Variants in ADARB2 observed in about 807,000 individuals in gnomAD.
ADARB2 encodes adenosine deaminase RNA specific B2 (inactive).
ADARB2 carries 25 observed loss-of-function variants against 62.2 expected under a neutral mutation model. The ratio of observed to expected loss-of-function variants is 0.40; its 90% CI spans 0.29 to 0.56. ADARB2 has a LOEUF of 0.56. ADARB2 is among the 20% of genes least tolerant of loss of function. The pLI, the probability that ADARB2 is intolerant of heterozygous loss-of-function variation, is 0.43. For synonymous variants in ADARB2, 572 were observed against 500.8 expected, an observed-to-expected ratio of 1.14 and a Z score of -1.90; for missense variants, 1,071 against 1,077.4, an observed-to-expected ratio of 0.99 and a Z score of 0.08.
intron 1 of ADARB2, among the ~76,000 whole-genome samples, chr10:1,600,556 G>A (rs1303517325): frequency 6.8e-6 from 1 of 147,962 alleles, no homozygotes; most frequent in African/African-American, 2.5e-5. Flanking sequence ...CAGCTACTCC[G>A]AAGTCCGAGT....
intron 4 of ADARB2, among the ~76,000 whole-genome samples, chr10:1,264,072 G>C (rs553822371): frequency 1.3e-5 from 2 of 151,968 alleles, no homozygotes; most frequent in South Asian, 2.1e-4. Context: ...GTCGGCCTCC[G>C]TGAATCTTAA....
intron 1 of ADARB2, among the ~76,000 whole-genome samples, chr10:1,450,330 CT>C (rs1477799247): frequency 1.3e-5 from 2 of 152,250 alleles, no homozygotes; most frequent in African/African-American, 4.8e-5. Context: ...TGTCTGTCCA[CT>C]TCGTTTCCTG....
At chr10:1,400,077 C>T (rs774309483) in intron 1 of ADARB2, among the ~76,000 whole-genome samples, 25 of 152,184 alleles carry the variant, frequency 1.6e-4, no homozygotes, top group East Asian at 1.9e-4. Flanking sequence ...AAGCATGAAC[C>T]GCAGATGGAA....
At chr10:1,368,926 T>C (rs1832339561) in intron 2 of ADARB2, among the ~76,000 whole-genome samples, 1 of 152,084 alleles carries the variant, frequency 6.6e-6, no homozygotes, top group Admixed American at 6.5e-5. Flanking sequence ...CCTGTGGTCC[T>C]GTGGCAGTCG....
chr10:1,658,653 C>T (rs1054508446), intron 1 of ADARB2, among the ~76,000 whole-genome samples: 3 of 152,258 alleles, frequency 2.0e-5, no homozygotes, highest in Admixed American at 2.0e-4. Flanking sequence ...GTCACGACAG[C>T]CCTTGCTGGT....
chr10:1,330,574 G>A (rs1265174854), intron 3 of ADARB2, among the ~76,000 whole-genome samples: 1 of 152,198 alleles, frequency 6.6e-6, no homozygotes, highest in African/African-American at 2.4e-5. Flanking sequence ...GGGCAAAGAT[G>A]TTGGCTCTCA....
rs561540663 is a variant in ADARB2 at position 1,412,610 on chromosome 10, G to T, written c.101-33450C>A. Among the ~76,000 whole-genome samples, 6 of 152,200 alleles carry T rather than the reference G, an allele frequency of 3.9e-5. No individual in the cohort carries two copies. In the South Asian group the frequency reaches 1.2e-3, roughly 32 times the overall value. ...CTCATATCTGCCAGAGGATGGGCCG[G>T]ACCGCGTTTCAGGTAATCAACTCAG... On this transcript the variant is annotated intron_variant, in intron 1 of 9. Coordinates refer to ENST00000381312, the MANE Select transcript of ADARB2 (RefSeq NM_018702.4).
chr10:1,669,700 C>A (rs1834358008), intron 1 of ADARB2, among the ~76,000 whole-genome samples: 1 of 132,484 alleles, frequency 7.5e-6, no homozygotes, highest in African/African-American at 2.9e-5. Context: ...ACACACACAC[C>A]CACAGGGAGA....
At chr10:1,583,868 T>C (rs1352042573) in intron 1 of ADARB2, among the ~76,000 whole-genome samples, 2 of 152,124 alleles carry the variant, frequency 1.3e-5, no homozygotes, top group Admixed American at 6.6e-5. Flanking sequence ...CCCACACAAA[T>C]ACAGGGTTAG....
intron 3 of ADARB2, among the ~76,000 whole-genome samples, chr10:1,353,134 G>C (rs117599574): frequency 6.6e-6 from 1 of 152,150 alleles, no homozygotes; most frequent in South Asian, 2.1e-4. Flanking sequence ...CATCAAGCAC[G>C]GGGATTGGCC....
At chr10:1,587,865 C>T (rs1394092353) in intron 1 of ADARB2, among the ~76,000 whole-genome samples, 1 of 152,050 alleles carries the variant, frequency 6.6e-6, no homozygotes, top group African/African-American at 2.4e-5. Context: ...AAGGGGTTTC[C>T]CCTTTCTCTT....
intron 4 of ADARB2, among the ~76,000 whole-genome samples, chr10:1,252,820 CAG>C (rs558914823): frequency 2.9e-3 from 446 of 152,284 alleles, no homozygotes; most frequent in African/African-American, 9.8e-3. Flanking sequence ...TTGCTTTTGA[CAG>C]GGGAGATTTT....
chr10:1,378,565 G>T (rs920208224), intron 2 of ADARB2, among the ~76,000 whole-genome samples: 1 of 152,068 alleles, frequency 6.6e-6, no homozygotes, highest in Non-Finnish European at 1.5e-5. Flanking sequence ...GGTTCCAGGT[G>T]AGGATAAGAT....
chr10:1,279,811 G>A (rs115779235), intron 3 of ADARB2, among the ~76,000 whole-genome samples: 1,543 of 152,320 alleles, frequency 0.01, 28 homozygotes, highest in African/African-American at 0.034. Context: ...TTGGGAACAT[G>A]GAACTTGTTT....
At chr10:1,639,156 T>A (rs1006010733) in intron 1 of ADARB2, among the ~76,000 whole-genome samples, 1 of 152,182 alleles carries the variant, frequency 6.6e-6, no homozygotes, top group South Asian at 2.1e-4. Flanking sequence ...GCATGAGTGC[T>A]CTCCTGCTGC....
At chr10:1,282,258 T>G (rs1831377225) in intron 3 of ADARB2, among the ~76,000 whole-genome samples, 1 of 152,204 alleles carries the variant, frequency 6.6e-6, no homozygotes, top group Non-Finnish European at 1.5e-5. Context: ...AATATTTCTG[T>G]GCTTGGCCAC....
At chr10:1,539,728 T>C (rs1259744901) in intron 1 of ADARB2, among the ~76,000 whole-genome samples, 1 of 152,222 alleles carries the variant, frequency 6.6e-6, no homozygotes, top group South Asian at 2.1e-4. Context: ...ATGTGATAAG[T>C]GGAAAGTGTC....
At chr10:1,187,454 G>T (rs1462108703) in intron 8 of ADARB2, among the ~76,000 whole-genome samples, 2 of 152,188 alleles carry the variant, frequency 1.3e-5, no homozygotes, top group African/African-American at 4.8e-5. Context: ...TGACCATCAG[G>T]GCCAACCACT....
At chr10:1,663,125 T>C (rs992339735) in intron 1 of ADARB2, among the ~76,000 whole-genome samples, 1 of 152,230 alleles carries the variant, frequency 6.6e-6, no homozygotes, top group African/African-American at 2.4e-5. Flanking sequence ...AATTAAAGTA[T>C]TTTAAAAGTG....
Sources: gnomAD v4.1 joint callset for allele counts (sites outside exome capture counted in the v4.1 genomes callset) on GRCh38, gnomAD v4.1.1 for gene constraint, MANE v1.5 for transcripts, NCBI Gene and HGNC (gene_info 2026-07-23, HGNC 2026-07-21) for gene names.